The following MAP3K5 variants were observed in gnomAD, a reference collection of about 807,000 sequenced individuals.
MAP3K5 encodes the protein mitogen-activated protein kinase kinase kinase 5.
In MAP3K5, 56 loss-of-function variants were observed where a neutral mutation model predicts 158.7. The observed-to-expected ratio is 0.35, with a 90% confidence interval of 0.28 to 0.44. MAP3K5 has a LOEUF of 0.44. MAP3K5 is among the 20% of genes least tolerant of loss of function. The pLI, the probability that MAP3K5 is intolerant of heterozygous loss-of-function variation, is 1.00. For synonymous variants in MAP3K5, 579 were observed against 601.7 expected (o/e 0.96, Z 0.55); for missense variants, 1,294 against 1,674.8 (o/e 0.77, Z 3.97).
intron 18 of MAP3K5, among the ~76,000 whole-genome samples, chr6:136,608,628 T>C (rs910850672): frequency 2.0e-5 from 3 of 152,196 alleles, no homozygotes; most frequent in African/African-American, 7.2e-5. Flanking sequence ...CTGTTAAGTC[T>C]TGCTTGAGTC....
At chr6:136,630,049 C>G (rs547581665) in intron 14 of MAP3K5, among the ~76,000 whole-genome samples, 8 of 152,226 alleles carry the variant, frequency 5.3e-5, no homozygotes, top group African/African-American at 1.9e-4. Context: ...CCACACCCGG[C>G]CTAAATCTTA....
intron 1 of MAP3K5, among the ~76,000 whole-genome samples, chr6:136,741,940 T>C (rs1782724887): frequency 6.6e-6 from 1 of 152,160 alleles, no homozygotes; most frequent in South Asian, 2.1e-4. Flanking sequence ...TCTCACCAAA[T>C]ACGGATAAAA....
At chr6:136,678,135 CATT>C (rs766651204) in intron 7 of MAP3K5, among the ~76,000 whole-genome samples, 54 of 152,008 alleles carry the variant, frequency 3.6e-4, no homozygotes, top group Non-Finnish European at 6.5e-4. Context: ...AGTTCTTTTT[CATT>C]ATTTTCTGGG....
intron 7 of MAP3K5, among the ~76,000 whole-genome samples, chr6:136,693,075 C>T (rs1015739893): frequency 2.0e-5 from 3 of 152,136 alleles, no homozygotes; most frequent in African/African-American, 7.2e-5. Context: ...ACTTAGATTT[C>T]ATTTTTTTGT....
intron 21 of MAP3K5, among the ~76,000 whole-genome samples, chr6:136,595,623 G>A (rs1487236113): frequency 6.6e-6 from 1 of 152,168 alleles, no homozygotes; most frequent in Non-Finnish European, 1.5e-5. Flanking sequence ...GATGCATATC[G>A]TACTTATATT....
intron 21 of MAP3K5, chr6:136,593,664 T>A: frequency 1.0e-5 from 4 of 398,254 alleles, no homozygotes; most frequent in Non-Finnish European, 1.9e-5. Context: ...GAAACGGGTA[T>A]CTGAATCACA....
intron 21 of MAP3K5, among the ~76,000 whole-genome samples, chr6:136,594,904 G>A (rs1207945956): frequency 6.6e-6 from 1 of 152,092 alleles, no homozygotes; most frequent in Non-Finnish European, 1.5e-5. Context: ...ATATCATGTG[G>A]TTTGATTATC....
chr6:136,641,710 C>T (rs931485697), intron 12 of MAP3K5, among the ~76,000 whole-genome samples: 17 of 150,992 alleles, frequency 1.1e-4, no homozygotes, highest in East Asian at 1.9e-4. Flanking sequence ...TGACAGGGGC[C>T]GGGCGGAGTG....
chr6:136,774,397 G>C (rs1023251264), intron 1 of MAP3K5, among the ~76,000 whole-genome samples: 18 of 152,188 alleles, frequency 1.2e-4, no homozygotes, highest in African/African-American at 4.1e-4. Context: ...TACGGCTGCA[G>C]TGAGCTGTGA....
intron 15 of MAP3K5, among the ~76,000 whole-genome samples, chr6:136,621,181 G>T (rs888765182): frequency 6.6e-6 from 1 of 151,174 alleles, no homozygotes; most frequent in Admixed American, 6.6e-5. Context: ...GATATATTCC[G>T]AAACTCAGAG....
chr6:136,659,380 T>C lies in MAP3K5; in HGVS notation c.1367-2A>G. The C allele has an allele frequency of 6.2e-7, 1 of 1,613,540 alleles. No homozygotes were observed. The highest frequency in any genetic ancestry group is 8.5e-7 in the Non-Finnish European group (1 of 1,179,814). Reference sequence around the variant, plus strand: ...CAAGAAGACTACTTAGCTTCACCCCTAGAATACAAACAGGAAGTAGAATGT... The same window carrying C: ...CAAGAAGACTACTTAGCTTCACCCCCAGAATACAAACAGGAAGTAGAATGT... On this transcript the variant is annotated splice_acceptor_variant, in intron 8 of 29. Coordinates refer to ENST00000359015, the MANE Select transcript of MAP3K5 (RefSeq NM_005923.4). LOFTEE classifies it high-confidence loss of function.
intron 2 of MAP3K5, among the ~76,000 whole-genome samples, chr6:136,716,534 G>C (rs1041394333): frequency 6.7e-6 from 1 of 149,858 alleles, no homozygotes; most frequent in African/African-American, 2.5e-5. Flanking sequence ...GATAAGAGAT[G>C]GTTCATTAAA....
rs192636991 is a variant in MAP3K5, at chr6:136,722,118, T to C, written c.449-1529A>G. Among the ~76,000 whole-genome samples, 90 of 152,326 alleles carry C rather than the reference T, an allele frequency of 5.9e-4. 2 individuals are homozygous for C. The highest frequency in any genetic ancestry group is 1.3e-4 in the Non-Finnish European group (9 of 68,020). On this transcript the variant is annotated intron_variant, in intron 1 of 29. Transcript: ENST00000359015. ...AAATAAAATAGATAATTATCTCTAT[T>C]TGCAGATGTTGTGGATGTCAACCAA...
chr6:136,728,436 T>C (rs986374730), intron 1 of MAP3K5, among the ~76,000 whole-genome samples: 1 of 152,202 alleles, frequency 6.6e-6, no homozygotes, highest in Non-Finnish European at 1.5e-5. Flanking sequence ...AAAAGTCCTG[T>C]TATACAGCTA....
intron 3 of MAP3K5, among the ~76,000 whole-genome samples, chr6:136,701,236 C>T (rs1205805518): frequency 6.6e-6 from 1 of 152,228 alleles, no homozygotes; most frequent in East Asian, 1.9e-4. Context: ...CTCTAACCTT[C>T]TGTCACTTTC....
Position 136,792,349 on chromosome 6 carries a change from C to A in MAP3K5, c.-192G>T. 1 of 1,005,580 alleles carries A rather than the reference C, an allele frequency of 9.9e-7. No individual in the cohort carries two copies. The highest frequency in any genetic ancestry group is 1.2e-6 in the Non-Finnish European group (1 of 845,126). 62.3% of individuals were successfully genotyped at this position (1,005,580 alleles called of 1,614,324 possible). ...GGCACGCCGCTGCCCGGCGGCGGCTCGCTCCTCCTCGGCGCCTCCGTGGCC... is the reference window on the plus strand; with the variant it reads ...GGCACGCCGCTGCCCGGCGGCGGCTAGCTCCTCCTCGGCGCCTCCGTGGCC... On this transcript the variant is annotated 5_prime_UTR_variant, in exon 1 of 30. Coordinates refer to ENST00000359015, the MANE Select transcript of MAP3K5 (RefSeq NM_005923.4). The surrounding 1 kb of genome is among the most constrained non-coding windows in gnomAD (Gnocchi z 5.7).
At chr6:136,683,202 T>A (rs1165691110) in intron 7 of MAP3K5, among the ~76,000 whole-genome samples, 5 of 152,238 alleles carry the variant, frequency 3.3e-5, no homozygotes, top group African/African-American at 1.2e-4. Flanking sequence ...CTAAACCGGT[T>A]GTAATAATCC....
chr6:136,603,112 C>A (rs1189686235), intron 19 of MAP3K5, among the ~76,000 whole-genome samples: 2 of 151,488 alleles, frequency 1.3e-5, no homozygotes, highest in Non-Finnish European at 2.9e-5. Flanking sequence ...GTGTCAGACA[C>A]AGTTCTAAGT....
chr6:136,789,049 A>G (rs992539766), intron 1 of MAP3K5, among the ~76,000 whole-genome samples: 1 of 152,118 alleles, frequency 6.6e-6, no homozygotes, highest in African/African-American at 2.4e-5. Flanking sequence ...TGTAATCCCA[A>G]TACTTTGGGA....
Sources: gnomAD v4.1 joint callset for allele counts (sites outside exome capture counted in the v4.1 genomes callset) on GRCh38, gnomAD v4.1.1 for gene constraint, Gnocchi (gnomAD v3.1) non-coding constraint, MANE v1.5 for transcripts, NCBI Gene and HGNC (gene_info 2026-07-23, HGNC 2026-07-21) for gene names.